The following FOXN3 variants were observed in gnomAD, a reference collection of about 807,000 sequenced individuals.
FOXN3 encodes the protein forkhead box protein N3.
Under a neutral mutation model 38.4 loss-of-function variants are expected in FOXN3, and 7 were observed. That is an observed-to-expected ratio of 0.18 (90% CI 0.10 to 0.34). The LOEUF is 0.34. Ranked by LOEUF, FOXN3 falls within the 10% of genes least tolerant of loss-of-function variation. The pLI is 1.00. For missense variants in FOXN3, 456 were observed against 613.4 expected (o/e 0.74, Z 2.71); for synonymous variants, 230 against 242.2 (o/e 0.95, Z 0.47).
At chr14:89,509,513 T>G (rs1894014955) in intron 1 of FOXN3, among the ~76,000 whole-genome samples, 1 of 152,204 alleles carries the variant, frequency 6.6e-6, no homozygotes, top group Non-Finnish European at 1.5e-5. Flanking sequence ...TTTTATATTT[T>G]TTGTAGAAAC....
intron 2 of FOXN3, among the ~76,000 whole-genome samples, chr14:89,407,725 C>T (rs1018875073): frequency 6.6e-6 from 1 of 152,160 alleles, no homozygotes; most frequent in Admixed American, 6.5e-5. Flanking sequence ...TGTAGTCCCC[C>T]CTTCGGAGGC....
rs372513910 is a variant in FOXN3, at chr14:89,512,907, G to A, written c.-14-100417C>T. On this transcript the variant is annotated intron_variant, in intron 1 of 6. Transcript: ENST00000345097. ...TGTAATCCCAGCACTATGGGAGGCC[G>A]AGGTGGGTGGATCACGAGGTCAGGA... Among the ~76,000 whole-genome samples the A allele has an allele frequency of 2.6e-5, 4 of 152,234 alleles. No homozygotes were observed. In the South Asian group the frequency reaches 8.3e-4, roughly 32 times the overall value.
chr14:89,546,675 A>C (rs1894891754), intron 1 of FOXN3, among the ~76,000 whole-genome samples: 1 of 152,012 alleles, frequency 6.6e-6, no homozygotes, highest in Non-Finnish European at 1.5e-5. Context: ...ATAAAAGCAA[A>C]CCAAATTTCC....
At chr14:89,452,282 T>C (rs1892628915) in intron 1 of FOXN3, among the ~76,000 whole-genome samples, 1 of 152,156 alleles carries the variant, frequency 6.6e-6, no homozygotes, top group Non-Finnish European at 1.5e-5. Context: ...GGGCATCCCC[T>C]AACAAACCTT....
chr14:89,234,809 A>G (rs1436441918), intron 4 of FOXN3, among the ~76,000 whole-genome samples: 1 of 152,038 alleles, frequency 6.6e-6, no homozygotes, highest in African/African-American at 2.4e-5. Context: ...ACACCCCTGC[A>G]TTGTGCTTAC....
At chr14:89,453,513 TCA>T (rs1246342525) in intron 1 of FOXN3, among the ~76,000 whole-genome samples, 11 of 124,314 alleles carry the variant, frequency 8.8e-5, no homozygotes, top group Non-Finnish European at 1.6e-4. Flanking sequence ...TGAGCCGAGA[TCA>T]CGCCATTGCA....
chr14:89,568,298 A>G (rs920396285), intron 1 of FOXN3, among the ~76,000 whole-genome samples: 1 of 152,298 alleles, frequency 6.6e-6, no homozygotes, highest in East Asian at 1.9e-4. Flanking sequence ...ACCATCCTGC[A>G]TGAAACAGCA....
chr14:89,278,954 G>A (rs1052635958), intron 4 of FOXN3, among the ~76,000 whole-genome samples: 110 of 151,894 alleles, frequency 7.2e-4, no homozygotes, highest in South Asian at 4.2e-4. Context: ...CTTGCTTGTG[G>A]GCCTTAGCAA....
At chr14:89,470,294 TAA>T (rs11461203) in intron 1 of FOXN3, among the ~76,000 whole-genome samples, 39,915 of 147,968 alleles carry the variant, frequency 0.27, 5,452 homozygotes, top group South Asian at 0.37. Context: ...TCTGACTTTC[TAA>T]AAAAAAAAAA....
rs375303615 is a variant in FOXN3 at position 89,216,283 on chromosome 14, G to C, written c.746-35477C>G. ...TACAAACTTTCCATCATCCCTGCTT[G>C]ATAAAAAAGAAAAAACAGATAAACA... On this transcript the variant is annotated intron_variant, in intron 4 of 5. Coordinates refer to ENST00000557258, the MANE Select transcript of FOXN3 (RefSeq NM_005197.4). Among the ~76,000 whole-genome samples the C allele has an allele frequency of 5.3e-5, 8 of 152,086 alleles. No homozygotes were observed. The East Asian group carries it at 1.5e-3, about 29-fold the overall frequency.
At chr14:89,265,646 C>T (rs369232648) in intron 4 of FOXN3, among the ~76,000 whole-genome samples, 3 of 152,196 alleles carry the variant, frequency 2.0e-5, no homozygotes, top group East Asian at 3.8e-4. Context: ...ATTATAGCAG[C>T]ACGTCCACTT....
intron 3 of FOXN3, among the ~76,000 whole-genome samples, chr14:89,293,248 C>G (rs1468418051): frequency 1.3e-5 from 2 of 152,262 alleles, no homozygotes; most frequent in African/African-American, 4.8e-5. Context: ...AGCTTCCCCC[C>G]TCTGCCTTGC....
At chr14:89,564,493 A>T (rs1895309929) in intron 1 of FOXN3, among the ~76,000 whole-genome samples, 1 of 152,208 alleles carries the variant, frequency 6.6e-6, no homozygotes. Context: ...TTAATAATAC[A>T]TGGACGGGAC....
At chr14:89,276,338 T>A (rs1323257432) in intron 4 of FOXN3, among the ~76,000 whole-genome samples, 1 of 152,188 alleles carries the variant, frequency 6.6e-6, no homozygotes, top group Non-Finnish European at 1.5e-5. Context: ...ATATGTTAGA[T>A]AATTTATTTT....
intron 3 of FOXN3, among the ~76,000 whole-genome samples, chr14:89,302,958 T>C (rs1349898733): frequency 6.6e-6 from 1 of 152,146 alleles, no homozygotes; most frequent in Non-Finnish European, 1.5e-5. Context: ...TGCTACCACT[T>C]CATATACACA....
Position 89,281,029 on chromosome 14 carries a change from A to T in FOXN3, c.681-15T>A. The T allele has an allele frequency of 6.2e-7, 1 of 1,611,492 alleles. No homozygotes were observed. The highest frequency in any genetic ancestry group is 8.5e-7 in the Non-Finnish European group (1 of 1,178,852). ...GACCTGATGTGCTGAAAGAGAAAAG[A>T]AACTAGCATAAGGCCAAGTTCATCT... On this transcript the variant is annotated splice_polypyrimidine_tract_variant and intron_variant, in intron 3 of 5. Coordinates refer to ENST00000557258, the MANE Select transcript of FOXN3 (RefSeq NM_005197.4).
chr14:89,296,467 C>T (rs1887043541), intron 3 of FOXN3, among the ~76,000 whole-genome samples: 2 of 152,304 alleles, frequency 1.3e-5, no homozygotes, highest in South Asian at 4.1e-4. Flanking sequence ...GAAAACTACT[C>T]CTTTTAGATG....
intron 3 of FOXN3, chr14:89,290,140 AC>A (rs1886822801): frequency 5.5e-6 from 1 of 180,406 alleles, no homozygotes; most frequent in African/African-American, 2.4e-5. Context: ...TGCTTCTGCA[AC>A]TTCCAGTTCT....
intron 2 of FOXN3, among the ~76,000 whole-genome samples, chr14:89,363,217 A>G (rs756657365): frequency 1.3e-4 from 20 of 152,098 alleles, no homozygotes; most frequent in Admixed American, 3.9e-4. Flanking sequence ...CTATCCCCAC[A>G]GTAACACCCC....
Sources: allele counts gnomAD v4.1 joint callset (sites outside exome capture counted in the v4.1 genomes callset), GRCh38; gene constraint gnomAD v4.1.1; transcripts MANE v1.5; gene names NCBI Gene and HGNC (gene_info 2026-07-23, HGNC 2026-07-21).